Variants in NUMB observed in about 807,000 individuals in gnomAD.
The protein encoded by NUMB is protein numb homolog.
A neutral mutation model predicts 59.7 loss-of-function variants in NUMB; 29 were observed. That is an observed-to-expected ratio of 0.49 (90% CI 0.36 to 0.66). The LOEUF is 0.66. Ranked by LOEUF, NUMB falls within the 30% of genes least tolerant of loss-of-function variation. NUMB has a pLI of 0.00. For synonymous variants in NUMB, 288 were observed against 288.2 expected, an observed-to-expected ratio of 1.00 and a Z score of 0.01; for missense variants, 723 against 822.0, an observed-to-expected ratio of 0.88 and a Z score of 1.47.
chr14:73,449,513 C>T lies in NUMB; in HGVS notation c.-233+8980G>A, dbSNP rs75368612. On this transcript the variant is annotated intron_variant, in intron 1 of 12. Coordinates refer to ENST00000555238, the MANE Select transcript of NUMB (RefSeq NM_001005743.2). The stretch of plus-strand genomic sequence containing the variant: ...CTTTCCAAATATTTTCTATCAACTG[C>T]TGGTTGAATCCAAGGATGCAGAATA... Among the ~76,000 whole-genome samples the T allele has an allele frequency of 2.0e-5, 3 of 152,040 alleles. No individual in the cohort carries two copies. In the East Asian group the frequency reaches 5.8e-4, roughly 29 times the overall value.
chr14:73,429,215 C>CA (rs1464131510), intron 1 of NUMB, among the ~76,000 whole-genome samples: 3 of 151,738 alleles, frequency 2.0e-5, no homozygotes, highest in African/African-American at 4.8e-5. Context: ...ACTCAAAATA[C>CA]AAAAAAATTA....
chr14:73,283,968 C>T lies in NUMB; in HGVS notation c.949+113G>A, dbSNP rs578125910. 1.4e-4 allele frequency: 141 copies of T among 1,009,710 alleles called. 1 individual carries two copies. In the South Asian group the frequency reaches 1.5e-3, roughly 11 times the overall value. 62.5% of individuals were successfully genotyped at this position (1,009,710 alleles called of 1,614,324 possible). ...AAATGACAAAAGATACAACTATCAA[C>T]GAACCTCAGGGAAAGAGGAATGCCT... On this transcript the variant is annotated intron_variant, in intron 10 of 12. Coordinates refer to ENST00000555238, the MANE Select transcript of NUMB (RefSeq NM_001005743.2).
At chr14:73,344,531 AC>A (rs567246314) in intron 4 of NUMB, among the ~76,000 whole-genome samples, 2 of 152,328 alleles carry the variant, frequency 1.3e-5, no homozygotes, top group South Asian at 4.1e-4. Flanking sequence ...TAAGCGGTAA[AC>A]ACATGCATTT....
chr14:73,364,910 A>G (rs1441032930), intron 3 of NUMB, among the ~76,000 whole-genome samples: 1 of 152,180 alleles, frequency 6.6e-6, no homozygotes, highest in Non-Finnish European at 1.5e-5. Context: ...TGCACTGAAT[A>G]CTGTACTGAA....
intron 2 of NUMB, among the ~76,000 whole-genome samples, chr14:73,399,623 T>C (rs1896312535): frequency 6.6e-6 from 1 of 152,042 alleles, no homozygotes; most frequent in South Asian, 2.1e-4. Flanking sequence ...GTGGCTGACA[T>C]CTGTAATTCC....
At chr14:73,300,471 A>C (rs1566733255) in intron 6 of NUMB, among the ~76,000 whole-genome samples, 1 of 152,200 alleles carries the variant, frequency 6.6e-6, no homozygotes, top group Non-Finnish European at 1.5e-5. Flanking sequence ...AAAATATTAA[A>C]GATTTAGAAC....
intron 2 of NUMB, among the ~76,000 whole-genome samples, chr14:73,370,549 G>A (rs923607349): frequency 4.6e-5 from 7 of 152,156 alleles, no homozygotes; most frequent in South Asian, 2.1e-4. Context: ...AAAATTAGCC[G>A]GGCGTGATGG....
At chr14:73,448,879 T>C (rs1313807924) in intron 1 of NUMB, among the ~76,000 whole-genome samples, 1 of 152,114 alleles carries the variant, frequency 6.6e-6, no homozygotes, top group Non-Finnish European at 1.5e-5. Context: ...ACCCCATGGA[T>C]ACCAAAATCT....
intron 3 of NUMB, 40 bp from the exon 4 acceptor site, chr14:73,355,806 C>A: frequency 6.7e-7 from 1 of 1,482,212 alleles, no homozygotes; most frequent in Non-Finnish European, 9.3e-7. Context: ...AGAAATATTA[C>A]CTTCTTACAT....
At chr14:73,400,494 T>C (rs749546222) in intron 2 of NUMB, among the ~76,000 whole-genome samples, 44 of 152,202 alleles carry the variant, frequency 2.9e-4, no homozygotes, top group Admixed American at 3.9e-4. Flanking sequence ...TTGGTCTTCT[T>C]GCCCTTTCCT....
intron 4 of NUMB, among the ~76,000 whole-genome samples, chr14:73,336,578 G>A (rs1197664909): frequency 6.6e-6 from 1 of 152,130 alleles, no homozygotes; most frequent in Non-Finnish European, 1.5e-5. Flanking sequence ...CAGAGGAATG[G>A]GCTACACTGA....
chr14:73,444,762 C>A (rs1883342088), intron 1 of NUMB, among the ~76,000 whole-genome samples: 1 of 149,232 alleles, frequency 6.7e-6, no homozygotes, highest in South Asian at 2.1e-4. Context: ...GAGGTTGAGG[C>A]AGGAGAATTG....
chr14:73,346,614 G>A (rs896738609), intron 4 of NUMB, among the ~76,000 whole-genome samples: 4 of 152,052 alleles, frequency 2.6e-5, no homozygotes, highest in Admixed American at 6.6e-5. Context: ...ACACAGTGAA[G>A]ATGAAACCAG....
intron 2 of NUMB, among the ~76,000 whole-genome samples, chr14:73,397,821 G>A (rs1448665270): frequency 6.6e-6 from 1 of 152,036 alleles, no homozygotes; most frequent in Non-Finnish European, 1.5e-5. Flanking sequence ...CTGTATAGTT[G>A]GAAGTTTTGC....
rs554434841 is a variant in NUMB at position 73,423,990 on chromosome 14, A to C, written c.-232-13922T>G. Among the ~76,000 whole-genome samples, 1,688 of 142,302 alleles carry C rather than the reference A, an allele frequency of 0.012. 92 individuals are homozygous for C. In the South Asian group the frequency reaches 0.16, roughly 13 times the overall value. 93.4% of individuals were successfully genotyped at this position (142,302 alleles called of 152,430 possible). A position where few individuals can be genotyped will look rare whatever the true frequency, so the allele number is the denominator to read the frequency against. On this transcript the variant is annotated intron_variant, in intron 1 of 12. Coordinates refer to ENST00000555238, the MANE Select transcript of NUMB (RefSeq NM_001005743.2). ...CCAAAAAAAAAAAAAAAAAAAAAAG[A>C]CTCTTGATCTATTTTGATACATGAC...
chr14:73,325,326 C>G (rs1209989184), intron 4 of NUMB, among the ~76,000 whole-genome samples: 1 of 151,958 alleles, frequency 6.6e-6, no homozygotes, highest in Admixed American at 6.6e-5. Context: ...AATTAGCACA[C>G]ACCTGTAGTA....
chr14:73,320,537 ACTTT>A (rs1371622867), intron 5 of NUMB, among the ~76,000 whole-genome samples: 1 of 152,174 alleles, frequency 6.6e-6, no homozygotes, highest in Non-Finnish European at 1.5e-5. Flanking sequence ...TCGGCTTAAA[ACTTT>A]CTTTTAGTCA....
intron 5 of NUMB, among the ~76,000 whole-genome samples, chr14:73,317,593 C>T (rs530993445): frequency 1.1e-4 from 16 of 152,156 alleles, no homozygotes; most frequent in Non-Finnish European, 7.3e-5. Context: ...TGGGCCACTG[C>T]GCCCAACCTA....
intron 2 of NUMB, among the ~76,000 whole-genome samples, chr14:73,398,413 AGAGTGTGTGTGT>A (rs765142610): frequency 0.15 from 18,100 of 117,264 alleles, 1,423 homozygotes; most frequent in Non-Finnish European, 0.21. Flanking sequence ...AGAGAGAGAG[AGAGTGTGTGTGT>A]GTGTGTGTGT....
Sources: allele counts gnomAD v4.1 joint callset (sites outside exome capture counted in the v4.1 genomes callset), GRCh38; gene constraint gnomAD v4.1.1; transcripts MANE v1.5; gene names NCBI Gene and HGNC (gene_info 2026-07-23, HGNC 2026-07-21).